The following WDR59 variants were observed in gnomAD, a reference collection of about 807,000 sequenced individuals.
WDR59 encodes WD repeat domain 59.
A neutral mutation model predicts 131.2 loss-of-function variants in WDR59; 100 were observed. That is an observed-to-expected ratio of 0.76 (90% CI 0.65 to 0.90). The LOEUF (loss-of-function observed/expected upper bound fraction) is 0.90, where lower values mean the gene tolerates loss of function less well. Among genes scored for constraint, WDR59 ranks in the 40% least tolerant of loss-of-function variants. The pLI is 0.00. For synonymous variants in WDR59, 601 were observed against 466.2 expected (o/e 1.29, Z -3.72); for missense variants, 1,203 against 1,262.2 (o/e 0.95, Z 0.71).
intron 2 of WDR59, among the ~76,000 whole-genome samples, chr16:74,957,287 G>C (rs1260443813): frequency 1.3e-5 from 2 of 151,854 alleles, no homozygotes; most frequent in East Asian, 3.9e-4. Flanking sequence ...CACCATGTTG[G>C]CCAGGCTGAT....
Position 74,936,086 on chromosome 16 carries a change from C to T in WDR59, c.651+2064G>A, listed in dbSNP as rs539306433. ...AATCTCATTTCATTAATAAGCTAAG[C>T]CTGCTGGTAAAGAACAGAGAAGACT... On this transcript the variant is annotated intron_variant, in intron 8 of 25. Coordinates refer to ENST00000262144, the MANE Select transcript of WDR59 (RefSeq NM_030581.4). Among the ~76,000 whole-genome samples, 3 of 152,046 alleles carry T rather than the reference C, an allele frequency of 2.0e-5. No homozygotes were observed. The South Asian group carries it at 6.2e-4, about 32-fold the overall frequency.
intron 18 of WDR59, among the ~76,000 whole-genome samples, chr16:74,896,260 A>G (rs1043420759): frequency 1.3e-5 from 2 of 152,192 alleles, no homozygotes; most frequent in Admixed American, 6.5e-5. Context: ...GCAATTCACT[A>G]TCGTTCAGTT....
chr16:74,874,811 G>C (rs1056558363), intron 25 of WDR59, among the ~76,000 whole-genome samples: 4 of 152,124 alleles, frequency 2.6e-5, no homozygotes, highest in African/African-American at 7.2e-5. Context: ...GGCTGGTCTC[G>C]AACTCCTGAC....
Position 74,886,358 on chromosome 16 carries a change from C to A in WDR59, c.2458G>T (p.Glu820Ter). Reference protein sequence around the residue: ...EAEHLSSPWGESSPEELRFGS... With the variant: ...EAEHLSSPWG ...AAGCGGAGCTCTTCTGGTGAGGATT[C>A]TCCCCAAGGGGAGGACAAGTGCTCT... is the stretch of plus-strand genomic sequence containing the variant. The change falls in exon 24 of 26, where the codon GAA (glutamate) becomes TAA (stop). Residue 820 changes from glutamate (E) to a stop codon, truncating the protein, a stop_gained. Coordinates refer to ENST00000262144, the MANE Select transcript of WDR59 (RefSeq NM_030581.4). LOFTEE classifies it high-confidence loss of function. 6.2e-7 allele frequency: 1 copy of A among 1,613,878 alleles called. No individual in the cohort carries two copies. Among genetic ancestry groups the A allele is most frequent in the Non-Finnish European group, 8.5e-7 (1 of 1,179,960 alleles).
At chr16:74,914,480 C>A (rs954094350) in intron 13 of WDR59, among the ~76,000 whole-genome samples, 6 of 152,170 alleles carry the variant, frequency 3.9e-5, no homozygotes, top group African/African-American at 1.2e-4. Flanking sequence ...ATCTGGAGAC[C>A]TGGATTCACA....
intron 2 of WDR59, among the ~76,000 whole-genome samples, chr16:74,958,324 T>G (rs1335357293): frequency 1.3e-5 from 2 of 151,542 alleles, no homozygotes; most frequent in Non-Finnish European, 2.9e-5. Context: ...GCATGGTGGC[T>G]CACAACTCTA....
chr16:74,946,445 G>A (rs1255674047), intron 6 of WDR59, among the ~76,000 whole-genome samples: 3 of 152,112 alleles, frequency 2.0e-5, no homozygotes, highest in Non-Finnish European at 2.9e-5. Context: ...TTTCTGCCCG[G>A]GTGTGGTGGC....
At chr16:74,892,866 G>C (rs1001714005) in intron 19 of WDR59, among the ~76,000 whole-genome samples, 2 of 152,212 alleles carry the variant, frequency 1.3e-5, no homozygotes, top group African/African-American at 4.8e-5. Flanking sequence ...GAGTTCCCAA[G>C]CCGTGAGGGT....
chr16:74,914,243 T>C (rs1597704009), intron 13 of WDR59, among the ~76,000 whole-genome samples: 1 of 152,116 alleles, frequency 6.6e-6, no homozygotes, highest in South Asian at 2.1e-4. Flanking sequence ...CTTTATACTG[T>C]GTGAATTATA....
At chr16:74,903,642 T>A (rs1965659683) in intron 18 of WDR59, among the ~76,000 whole-genome samples, 1 of 152,208 alleles carries the variant, frequency 6.6e-6, no homozygotes, top group South Asian at 2.1e-4. Flanking sequence ...AGCTAAGGTA[T>A]TCTACCCTGA....
chr16:74,950,992 CAA>C (rs528212034), intron 4 of WDR59, among the ~76,000 whole-genome samples: 35 of 75,274 alleles, frequency 4.6e-4, no homozygotes, highest in East Asian at 4.0e-4. Context: ...CCTGTCTCCA[CAA>C]AAAAAAAAAA....
At chr16:74,980,547 T>A (rs1166858577) in intron 1 of WDR59, among the ~76,000 whole-genome samples, 1 of 151,002 alleles carries the variant, frequency 6.6e-6, no homozygotes, top group Admixed American at 6.6e-5. Context: ...AGAGATGGGG[T>A]TTCACCATGT....
At chr16:74,927,993 C>T (rs1344405693) in intron 8 of WDR59, among the ~76,000 whole-genome samples, 1 of 149,008 alleles carries the variant, frequency 6.7e-6, no homozygotes, top group Non-Finnish European at 1.5e-5. Flanking sequence ...CTGCAACCTC[C>T]GCCTCCCAAG....
At chr16:74,943,231 G>A (rs1329462399) in intron 6 of WDR59, among the ~76,000 whole-genome samples, 2 of 135,990 alleles carry the variant, frequency 1.5e-5, no homozygotes, top group African/African-American at 2.9e-5. Context: ...CAGCTGTTAT[G>A]CCTGCCCCCT....
At chr16:74,981,315 G>C (rs2034394905) in intron 1 of WDR59, among the ~76,000 whole-genome samples, 1 of 149,830 alleles carries the variant, frequency 6.7e-6, no homozygotes. Flanking sequence ...GGCAGAGTTT[G>C]CAGTGAGCAG....
chr16:74,902,794 C>T (rs1965615606), intron 18 of WDR59, among the ~76,000 whole-genome samples: 1 of 151,816 alleles, frequency 6.6e-6, no homozygotes, highest in African/African-American at 2.4e-5. Flanking sequence ...AAAGAACCAA[C>T]AATTTTGAAT....
At chr16:74,947,800 G>C (rs1161432902) in intron 6 of WDR59, among the ~76,000 whole-genome samples, 1 of 152,160 alleles carries the variant, frequency 6.6e-6, no homozygotes, top group African/African-American at 2.4e-5. Flanking sequence ...GCCGGGCATG[G>C]TGGCTCACAC....
At chr16:74,936,545 G>A (rs1333790021) in intron 8 of WDR59, among the ~76,000 whole-genome samples, 1 of 152,096 alleles carries the variant, frequency 6.6e-6, no homozygotes, top group Non-Finnish European at 1.5e-5. Flanking sequence ...CCCAAATGCA[G>A]CCGGGCATGG....
chr16:74,961,995 A>G (rs1228622606), intron 2 of WDR59, among the ~76,000 whole-genome samples: 1 of 151,930 alleles, frequency 6.6e-6, no homozygotes, highest in Non-Finnish European at 1.5e-5. Context: ...TCCAGTTTCC[A>G]TTTTCTGCAT....
Sources: allele counts gnomAD v4.1 joint callset (sites outside exome capture counted in the v4.1 genomes callset), GRCh38; gene constraint gnomAD v4.1.1; transcripts MANE v1.5; gene names NCBI Gene and HGNC (gene_info 2026-07-23, HGNC 2026-07-21).